The following RBMS3 variants were observed in gnomAD, a reference collection of about 807,000 sequenced individuals.
RBMS3 encodes RNA binding motif single stranded interacting protein 3.
In RBMS3, 27 loss-of-function variants were observed where a neutral mutation model predicts 66.8. That is an observed-to-expected ratio of 0.40 (90% CI 0.30 to 0.56). RBMS3 has a LOEUF of 0.56. Among genes scored for constraint, RBMS3 ranks in the 20% least tolerant of loss-of-function variants. The pLI is 0.40. For missense variants in RBMS3, 513 were observed against 549.5 expected (o/e 0.93, Z 0.66); for synonymous variants, 188 against 183.0 (o/e 1.03, Z -0.22).
chr3:29,298,763 A>G (rs1346517809), intron 1 of RBMS3, among the ~76,000 whole-genome samples: 1 of 151,892 alleles, frequency 6.6e-6, no homozygotes, highest in East Asian at 1.9e-4. Flanking sequence ...TGTTTGTGCA[A>G]TGTTCAATTT....
rs536480985 is a variant in RBMS3 at position 29,512,392 on chromosome 3, AATT to A, written c.307+23899_307+23901del. Among the ~76,000 whole-genome samples, 408 of 152,276 alleles carry A rather than the reference AATT, an allele frequency of 2.7e-3. 3 individuals are homozygous for A. Among genetic ancestry groups the A allele is most frequent in the African/African-American group, 9.5e-3 (394 of 41,578 alleles). On this transcript the variant is annotated intron_variant, in intron 3 of 14. Coordinates refer to ENST00000383767, the MANE Select transcript of RBMS3 (RefSeq NM_001003793.3). ...ATTCATCTGACATTAGTTAGAATTA[AATT>A]ATTATCTAGAGATTATAAATGTTGC...
chr3:29,851,036 C>A (rs895037547), intron 6 of RBMS3, among the ~76,000 whole-genome samples: 1 of 152,202 alleles, frequency 6.6e-6, no homozygotes, highest in Non-Finnish European at 1.5e-5. Flanking sequence ...TCCCTCCTTT[C>A]TTTTAGAACT....
At chr3:29,316,369 T>C (rs11713602) in intron 1 of RBMS3, among the ~76,000 whole-genome samples, 63,360 of 151,526 alleles carry the variant, frequency 0.42, 14,114 homozygotes, top group East Asian at 0.78. Context: ...TTACTCATAA[T>C]TGAAAGTTCA....
At position 29,490,941 on chromosome 3, in the gene RBMS3, C is replaced by T. The variant is rs146867141; in HGVS notation, c.307+2442C>T. Among the ~76,000 whole-genome samples the T allele has an allele frequency of 2.1e-3, 324 of 152,134 alleles. 2 individuals are homozygous for T. The highest frequency in any genetic ancestry group is 6.9e-3 in the African/African-American group (286 of 41,480). The stretch of plus-strand genomic sequence containing the variant: ...ACAAATACTGCACAGGTAAGCAACA[C>T]CTGGAAACCTCAATAGATAGACTCA... On this transcript the variant is annotated intron_variant, in intron 3 of 14. Coordinates refer to ENST00000383767, the MANE Select transcript of RBMS3 (RefSeq NM_001003793.3).
chr3:29,317,172 A>C (rs1050166260), intron 1 of RBMS3, among the ~76,000 whole-genome samples: 3 of 151,756 alleles, frequency 2.0e-5, no homozygotes, highest in Admixed American at 6.6e-5. Context: ...GCGTACTGTG[A>C]CATTTATTCT....
intron 1 of RBMS3, chr3:29,390,746 CT>C (rs1457035667): frequency 6.5e-6 from 1 of 153,032 alleles, no homozygotes; most frequent in Non-Finnish European, 1.5e-5. Context: ...TCACACCACT[CT>C]GTCTCATAAC....
chr3:29,337,867 A>G (rs2036044095), intron 1 of RBMS3, among the ~76,000 whole-genome samples: 1 of 152,202 alleles, frequency 6.6e-6, no homozygotes, highest in African/African-American at 2.4e-5. Flanking sequence ...TGATCTTTCT[A>G]AATTACATTT....
intron 7 of RBMS3, among the ~76,000 whole-genome samples, chr3:29,870,510 G>A (rs1208030134): frequency 6.6e-6 from 1 of 152,130 alleles, no homozygotes; most frequent in African/African-American, 2.4e-5. Context: ...GATGGCAATT[G>A]CAGCAAGACA....
intron 1 of RBMS3, among the ~76,000 whole-genome samples, chr3:29,398,433 G>A (rs2039653070): frequency 6.6e-6 from 1 of 152,186 alleles, no homozygotes; most frequent in Non-Finnish European, 1.5e-5. Flanking sequence ...TCAAGGACAA[G>A]TGTCTCCTCA....
chr3:29,309,893 G>A (rs1409986629), intron 1 of RBMS3, among the ~76,000 whole-genome samples: 1 of 151,652 alleles, frequency 6.6e-6, no homozygotes, highest in Admixed American at 6.6e-5. Flanking sequence ...TAGTAGTGCA[G>A]CCAACTTTTT....
rs888665923 is a variant in RBMS3 at position 29,319,279 on chromosome 3, A to G, written c.75+37523A>G. On this transcript the variant is annotated intron_variant, in intron 1 of 14. Transcript: ENST00000383767. The stretch of plus-strand genomic sequence containing the variant: ...CCCTTGCCTCGTTCAGTGCATTTCT[A>G]TGGGGTTTGGGATATGAGCTTAAAA... Among the ~76,000 whole-genome samples, 17 of 152,038 alleles carry G rather than the reference A, an allele frequency of 1.1e-4. No individual in the cohort carries two copies. In the East Asian group the frequency reaches 2.9e-3, roughly 26 times the overall value.
intron 7 of RBMS3, among the ~76,000 whole-genome samples, chr3:29,870,330 T>TCATTTGA (rs2059459906): frequency 6.6e-6 from 1 of 152,078 alleles, no homozygotes; most frequent in South Asian, 2.1e-4. Context: ...CTAAAAAGAC[T>TCATTTGA]CATTTGACAT....
chr3:29,326,733 CTT>C (rs56162153), intron 1 of RBMS3, among the ~76,000 whole-genome samples: 7 of 133,762 alleles, frequency 5.2e-5, no homozygotes, highest in African/African-American at 2.8e-5. Context: ...TACTGGCATC[CTT>C]TTTTTTTTTT....
At chr3:29,494,346 G>A (rs1252445600) in intron 3 of RBMS3, among the ~76,000 whole-genome samples, 1 of 152,160 alleles carries the variant, frequency 6.6e-6, no homozygotes, top group Non-Finnish European at 1.5e-5. Context: ...TCCGGAAGGG[G>A]TTATCAGGAA....
At chr3:29,640,752 G>A (rs529106688) in intron 4 of RBMS3, among the ~76,000 whole-genome samples, 1 of 151,832 alleles carries the variant, frequency 6.6e-6, no homozygotes, top group Admixed American at 6.6e-5. Flanking sequence ...CCTATATAAA[G>A]AATAATACAT....
intron 4 of RBMS3, among the ~76,000 whole-genome samples, chr3:29,627,300 G>GTCTC (rs111643715): frequency 0.094 from 13,882 of 146,972 alleles, 1,140 homozygotes; most frequent in East Asian, 0.35. Context: ...CTCTCTCTCT[G>GTCTC]TCTCTCTCTC....
intron 3 of RBMS3, among the ~76,000 whole-genome samples, chr3:29,497,520 C>T (rs151107416): frequency 2.6e-4 from 39 of 152,292 alleles, no homozygotes; most frequent in African/African-American, 8.2e-4. Flanking sequence ...TGTCGATAAA[C>T]ATAAAATGCT....
chr3:29,895,171 G>A (rs2060097599), intron 8 of RBMS3, among the ~76,000 whole-genome samples: 1 of 151,522 alleles, frequency 6.6e-6, no homozygotes, highest in Non-Finnish European at 1.5e-5. Context: ...GGGTATTTTA[G>A]AGTGTTATTC....
rs1162918739 is a variant in RBMS3 at position 29,730,758 on chromosome 3, T to C, written c.400-8962T>C. 4 of 614,732 alleles carry C rather than the reference T, an allele frequency of 6.5e-6. No homozygotes were observed. The Admixed American group carries it at 2.5e-4, about 39-fold the overall frequency. The allele number at this position is 614,732 out of a possible 1,614,324, so 38.1% of individuals were successfully genotyped here. A position where few individuals can be genotyped will look rare whatever the true frequency, so the allele number is the denominator to read the frequency against. On this transcript the variant is annotated intron_variant, in intron 4 of 14. Coordinates refer to ENST00000383767, the MANE Select transcript of RBMS3 (RefSeq NM_001003793.3). ...TTGAGTAGTTCTCTATAGTTTTGTT[T>C]CCTGTTCTCATTTTTGACCATCAGG...
Sources: allele counts gnomAD v4.1 joint callset (sites outside exome capture counted in the v4.1 genomes callset), GRCh38; gene constraint gnomAD v4.1.1; transcripts MANE v1.5; gene names NCBI Gene and HGNC (gene_info 2026-07-23, HGNC 2026-07-21).